Variants in GPM6B observed in about 807,000 individuals in gnomAD.
GPM6B encodes the protein neuronal membrane glycoprotein M6-b.
A neutral mutation model predicts 27.2 loss-of-function variants in GPM6B; 4 were observed. The ratio of observed to expected loss-of-function variants is 0.15; its 90% CI spans 0.07 to 0.34. The LOEUF is 0.34. Ranked by LOEUF, GPM6B falls within the 10% of genes least tolerant of loss-of-function variation. The pLI is 1.00. For synonymous variants in GPM6B, 124 were observed against 103.1 expected, an observed-to-expected ratio of 1.20 and a Z score of -1.23; for missense variants, 183 against 261.9, an observed-to-expected ratio of 0.70 and a Z score of 2.08.
intron 1 of GPM6B, among the ~76,000 whole-genome samples, chrX:13,881,398 G>A (rs1569283582): frequency 1.8e-5 from 2 of 110,936 alleles, no homozygotes; most frequent in Non-Finnish European, 3.8e-5. Context: ...TCTAGTCCCA[G>A]CTACTTGGGA....
At chrX:13,791,953 C>T (rs1417524519) in intron 2 of GPM6B, among the ~76,000 whole-genome samples, 1 of 111,357 alleles carries the variant, frequency 9.0e-6, no homozygotes, top group East Asian at 2.8e-4. Flanking sequence ...CACCCCCTTA[C>T]CTCTCTACAT....
In GPM6B at chrX:13,788,171, A is replaced by G. The variant is rs73451165; in HGVS notation, c.182-2363T>C. Reference sequence around the variant, plus strand: ...TGAATTGTCACATATTTGATTTTCTATAACCCAGGAGCTGGGTTCTAACTG... The same window carrying G: ...TGAATTGTCACATATTTGATTTTCTGTAACCCAGGAGCTGGGTTCTAACTG... On this transcript the variant is annotated intron_variant, in intron 2 of 7. Coordinates refer to ENST00000316715, the MANE Select transcript of GPM6B (RefSeq NM_001001995.3). Among the ~76,000 whole-genome samples the G allele has an allele frequency of 6.5e-3, 724 of 112,045 alleles. 4 individuals are homozygous for G. Among genetic ancestry groups the G allele is most frequent in the African/African-American group, 0.022 (678 of 30,852 alleles).
chrX:13,829,563 C>T (rs1186764154), intron 1 of GPM6B, among the ~76,000 whole-genome samples: 1 of 111,222 alleles, frequency 9.0e-6, no homozygotes, highest in Non-Finnish European at 1.9e-5. Flanking sequence ...CATTTCTGTG[C>T]CCTTGCCTGG....
chrX:13,864,290 T>G (rs772675979), intron 1 of GPM6B, among the ~76,000 whole-genome samples: 1 of 112,253 alleles, frequency 8.9e-6, no homozygotes, highest in Non-Finnish European at 1.9e-5. Context: ...AAAAGTAGAG[T>G]CGCTGATTCT....
At chrX:13,858,671 T>A (rs2049809125) in intron 1 of GPM6B, among the ~76,000 whole-genome samples, 1 of 111,409 alleles carries the variant, frequency 9.0e-6, no homozygotes, top group South Asian at 3.8e-4. Flanking sequence ...CTGCTCAAAT[T>A]ATTTCCAGAA....
At chrX:13,773,505 T>A in intron 7 of GPM6B, 1 of 111,725 alleles carries the variant, frequency 9.0e-6, no homozygotes, top group East Asian at 2.8e-4. Context: ...ACTACATATT[T>A]AACATGGAAA....
chrX:13,853,984 C>G (rs1397569901), intron 1 of GPM6B, among the ~76,000 whole-genome samples: 2 of 111,974 alleles, frequency 1.8e-5, no homozygotes, highest in East Asian at 5.6e-4. Context: ...TGGCCTTGTC[C>G]AAGATAGTCT....
At chrX:13,814,066 A>C (rs2049188445) in intron 1 of GPM6B, among the ~76,000 whole-genome samples, 3 of 112,385 alleles carry the variant, frequency 2.7e-5, no homozygotes, top group African/African-American at 9.7e-5. Context: ...AGTCATTGTG[A>C]TTAAGTTTAA....
At chrX:13,869,572 T>C (rs2049953718) in intron 1 of GPM6B, among the ~76,000 whole-genome samples, 1 of 111,558 alleles carries the variant, frequency 9.0e-6, no homozygotes, top group Admixed American at 9.5e-5. Flanking sequence ...GATGGTCCAG[T>C]TTGGTTCCGA....
At position 13,772,828 on chromosome X, in the gene GPM6B, C is replaced by CTGA; in HGVS notation, c.*50_*52dup. ...CACATCTGTACTGCAGAGCAGCTGT[C>CTGA]TGATGATTTGTCAGAGCTGTAAATA... On this transcript the variant is annotated 3_prime_UTR_variant, in exon 8 of 8. Coordinates refer to ENST00000316715, the MANE Select transcript of GPM6B (RefSeq NM_001001995.3). 1.7e-6 allele frequency: 2 copies of CTGA among 1,143,409 alleles called. No individual in the cohort carries two copies. Among genetic ancestry groups the CTGA allele is most frequent in the Non-Finnish European group, 2.4e-6 (2 of 839,780 alleles). The allele number at this position is 1,143,409 out of a possible 1,213,427, so 94.2% of individuals were successfully genotyped here. A position where few individuals can be genotyped will look rare whatever the true frequency, so the allele number is the denominator to read the frequency against.
chrX:13,782,050 A>T (rs899976876), intron 4 of GPM6B, among the ~76,000 whole-genome samples: 1 of 111,503 alleles, frequency 9.0e-6, no homozygotes, highest in African/African-American at 3.3e-5. Flanking sequence ...CTGCCCCGTC[A>T]CCTGCATCTT....
chrX:13,836,518 T>C (rs1378977610), intron 1 of GPM6B, among the ~76,000 whole-genome samples: 1 of 112,554 alleles, frequency 8.9e-6, no homozygotes, highest in Non-Finnish European at 1.9e-5. Flanking sequence ...ATGCTTTAGC[T>C]GTTCAGAATT....
rs1188607209 is a variant in GPM6B, at chrX:13,772,755, GAGAC to G, written c.*122_*125del. ...TCCTAGAGATACATCCCAGCAGCTT[GAGAC>G]AGACAGTGAAGTGTTTGTACATCTA... On this transcript the variant is annotated 3_prime_UTR_variant, in exon 8 of 8. Coordinates refer to ENST00000316715, the MANE Select transcript of GPM6B (RefSeq NM_001001995.3). 5.2e-6 allele frequency: 3 copies of G among 576,377 alleles called. No homozygotes were observed. Among genetic ancestry groups the G allele is most frequent in the South Asian group, 4.5e-5 (1 of 22,077 alleles). 47.5% of individuals were successfully genotyped at this position (576,377 alleles called of 1,213,427 possible). A position where few individuals can be genotyped will look rare whatever the true frequency, so the allele number is the denominator to read the frequency against.
At chrX:13,792,912 A>AG (rs2048740819) in intron 2 of GPM6B, among the ~76,000 whole-genome samples, 1 of 108,054 alleles carries the variant, frequency 9.3e-6, no homozygotes, top group African/African-American at 3.4e-5. Context: ...AAAAAAAAAA[A>AG]AAAAAATTCT....
Position 13,861,212 on chromosome X carries a change from T to C in GPM6B, c.-197-75404A>G, listed in dbSNP as rs542699021. Among the ~76,000 whole-genome samples, 4 of 110,925 alleles carry C rather than the reference T, an allele frequency of 3.6e-5. No individual in the cohort carries two copies. The South Asian group carries it at 1.5e-3, about 43-fold the overall frequency. Reference sequence around the variant, plus strand: ...CTCATTTTCTTTATCCACTCGTTGATTGATGGGCACTTGGGCTGGTTCCAT... The same window carrying C: ...CTCATTTTCTTTATCCACTCGTTGACTGATGGGCACTTGGGCTGGTTCCAT... On this transcript the variant is annotated intron_variant, in intron 1 of 6. Transcript: ENST00000398361.
chrX:13,856,616 T>G (rs1319114435), intron 1 of GPM6B, among the ~76,000 whole-genome samples: 2 of 112,304 alleles, frequency 1.8e-5, no homozygotes, highest in Non-Finnish European at 3.8e-5. Context: ...CAATGCAAAT[T>G]TATTCTCTGA....
intron 4 of GPM6B, among the ~76,000 whole-genome samples, chrX:13,781,251 C>CA (rs2048510736): frequency 9.0e-6 from 1 of 111,254 alleles, no homozygotes; most frequent in African/African-American, 3.3e-5. Flanking sequence ...CTCTAGCGTC[C>CA]AGAGCTGCTT....
At chrX:13,924,342 C>A (rs775911173) in intron 1 of GPM6B, among the ~76,000 whole-genome samples, 26 of 111,425 alleles carry the variant, frequency 2.3e-4, no homozygotes, top group Admixed American at 2.1e-3. Context: ...CTCTGTCGCC[C>A]AGGCTGGAGT....
At chrX:13,839,261 C>A (rs1198709332) in intron 1 of GPM6B, among the ~76,000 whole-genome samples, 3 of 111,586 alleles carry the variant, frequency 2.7e-5, no homozygotes. Flanking sequence ...TTTAAATGCA[C>A]CTATGGTCTG....
Sources: gnomAD v4.1 joint callset for allele counts (sites outside exome capture counted in the v4.1 genomes callset) on GRCh38, gnomAD v4.1.1 for gene constraint, MANE v1.5 for transcripts, NCBI Gene and HGNC (gene_info 2026-07-23, HGNC 2026-07-21) for gene names.